The following MYO5B variants were observed in gnomAD, a reference collection of about 807,000 sequenced individuals.
MYO5B encodes the protein unconventional myosin-Vb.
A neutral mutation model predicts 229.3 loss-of-function variants in MYO5B; 143 were observed. The ratio of observed to expected loss-of-function variants is 0.62; its 90% CI spans 0.54 to 0.72. The LOEUF is 0.72. Among genes scored for constraint, MYO5B ranks in the 30% least tolerant of loss-of-function variants. The pLI, the probability that MYO5B is intolerant of heterozygous loss-of-function variation, is 0.00. For synonymous variants in MYO5B, 918 were observed against 885.2 expected (o/e 1.04, Z -0.66); for missense variants, 2,321 against 2,331.0 (o/e 1.00, Z 0.09).
rs200316615 is a variant in MYO5B at position 49,937,232 on chromosome 18, G to A, written c.1905+13C>T. 2 of 1,613,862 alleles carry A rather than the reference G, an allele frequency of 1.2e-6. No individual in the cohort carries two copies. Among genetic ancestry groups the A allele is most frequent in the East Asian group, 2.2e-5 (1 of 44,898 alleles). On this transcript the variant is annotated intron_variant, in intron 15 of 39. Coordinates refer to ENST00000285039, the MANE Select transcript of MYO5B (RefSeq NM_001080467.3). ...CATGCACCTCAGCCCATAGCTTTTG[G>A]TCCGGGGCTGACCTGGTGGCCAACG...
At position 49,872,245 on chromosome 18, in the gene MYO5B, A is replaced by G. The variant is rs189418976; in HGVS notation, c.3538-13T>C. On this transcript the variant is annotated splice_polypyrimidine_tract_variant and intron_variant, in intron 26 of 39. Coordinates refer to ENST00000285039, the MANE Select transcript of MYO5B (RefSeq NM_001080467.3). ...GTGGTGGTTCCGCCTGCATGGATAG[A>G]GACACAAAGATAAGTGCAGACCTCG... The G allele has an allele frequency of 3.2e-5, 51 of 1,613,788 alleles. No homozygotes were observed. The highest frequency in any genetic ancestry group is 4.2e-5 in the Non-Finnish European group (49 of 1,179,710).
intron 4 of MYO5B, among the ~76,000 whole-genome samples, chr18:50,026,656 C>T (rs894934795): frequency 2.0e-5 from 3 of 152,178 alleles, no homozygotes; most frequent in African/African-American, 4.8e-5. Flanking sequence ...ATTCTTCCAT[C>T]GTTTCCTTCT....
chr18:49,961,940 C>T (rs1262902110), intron 12 of MYO5B, among the ~76,000 whole-genome samples: 1 of 152,208 alleles, frequency 6.6e-6, no homozygotes, highest in Non-Finnish European at 1.5e-5. Context: ...TAGGGATGCC[C>T]ATTAGATGTT....
chr18:49,974,928 C>T (rs1219403229), intron 9 of MYO5B, among the ~76,000 whole-genome samples: 3 of 152,138 alleles, frequency 2.0e-5, no homozygotes, highest in African/African-American at 4.8e-5. Context: ...CCAAAACATT[C>T]TCCATCTTTC....
At chr18:49,960,421 T>C (rs1427117567) in intron 12 of MYO5B, among the ~76,000 whole-genome samples, 1 of 152,252 alleles carries the variant, frequency 6.6e-6, no homozygotes, top group South Asian at 2.1e-4. Flanking sequence ...TTCCCTAACC[T>C]CCTCAGGCTC....
chr18:49,860,179 G>A (rs2024311963), intron 29 of MYO5B, among the ~76,000 whole-genome samples: 1 of 152,100 alleles, frequency 6.6e-6, no homozygotes, highest in African/African-American at 2.4e-5. Flanking sequence ...GAAGTGGACA[G>A]GAATCAAAGG....
At chr18:50,116,449 A>G (rs561578884) in intron 1 of MYO5B, among the ~76,000 whole-genome samples, 3 of 152,340 alleles carry the variant, frequency 2.0e-5, no homozygotes, top group Admixed American at 2.0e-4. Flanking sequence ...CTGCCAATAA[A>G]GAAGATAGGC....
intron 1 of MYO5B, among the ~76,000 whole-genome samples, chr18:50,194,245 A>G (rs1168613718): frequency 6.6e-6 from 1 of 151,498 alleles, no homozygotes; most frequent in Non-Finnish European, 1.5e-5. Context: ...CAGAACCCCC[A>G]CCTCTCCCAA....
At chr18:49,938,362 G>C (rs1274354672) in intron 14 of MYO5B, among the ~76,000 whole-genome samples, 1 of 152,242 alleles carries the variant, frequency 6.6e-6, no homozygotes, top group African/African-American at 2.4e-5. Context: ...CAGGAACACA[G>C]TCCTGTCATC....
chr18:49,928,310 T>C (rs1441887237), intron 17 of MYO5B, among the ~76,000 whole-genome samples: 1 of 152,188 alleles, frequency 6.6e-6, no homozygotes, highest in African/African-American at 2.4e-5. Flanking sequence ...ACAACTGCTA[T>C]GGAAAACAGT....
At position 50,051,735 on chromosome 18, in the gene MYO5B, G is replaced by C. The variant is rs538548298; in HGVS notation, c.138+3533C>G. Among the ~76,000 whole-genome samples the C allele has an allele frequency of 4.6e-5, 7 of 152,298 alleles. No individual in the cohort carries two copies. In the South Asian group the frequency reaches 1.4e-3, roughly 32 times the overall value. ...TTTATCATCTTGTTTACTTCAATAT[G>C]AAACATCTTACATTATGCCAGGTGA... On this transcript the variant is annotated intron_variant, in intron 2 of 39. Transcript: ENST00000285039.
At chr18:49,862,869 C>T (rs1430499151) in intron 29 of MYO5B, among the ~76,000 whole-genome samples, 1 of 152,074 alleles carries the variant, frequency 6.6e-6, no homozygotes. Flanking sequence ...GATGGCTAAG[C>T]AGCCCTCTGC....
chr18:49,861,692 C>T (rs568102130), intron 29 of MYO5B, among the ~76,000 whole-genome samples: 1 of 110,584 alleles, frequency 9.0e-6, no homozygotes, highest in South Asian at 2.9e-4. Context: ...TCAGGCCTTC[C>T]GGATTCTACC....
intron 1 of MYO5B, among the ~76,000 whole-genome samples, chr18:50,154,900 A>G (rs946273873): frequency 9.2e-5 from 14 of 152,162 alleles, no homozygotes; most frequent in African/African-American, 3.4e-4. Context: ...CTGTTATGTT[A>G]CAGACTTAGG....
rs1379093978 is a variant in MYO5B, at chr18:49,942,660, A to G, written c.1753-5263T>C. ...CAGAGAAATGCAAATCAAAACCACAATGAGATACCATCTCACACCAGTTAG... is the reference window on the plus strand; with the variant it reads ...CAGAGAAATGCAAATCAAAACCACAGTGAGATACCATCTCACACCAGTTAG... On this transcript the variant is annotated intron_variant, in intron 14 of 39. Coordinates refer to ENST00000285039, the MANE Select transcript of MYO5B (RefSeq NM_001080467.3). Among the ~76,000 whole-genome samples, 8 of 151,878 alleles carry G rather than the reference A, an allele frequency of 5.3e-5. No individual in the cohort carries two copies. In the South Asian group the frequency reaches 1.5e-3, roughly 28 times the overall value.
At chr18:49,957,932 C>A (rs542747192) in intron 12 of MYO5B, among the ~76,000 whole-genome samples, 7 of 152,122 alleles carry the variant, frequency 4.6e-5, no homozygotes, top group East Asian at 3.9e-4. Flanking sequence ...CCCAGCTGGC[C>A]CCCCCCAGGA....
chr18:50,035,686 A>G (rs182460644), intron 4 of MYO5B, among the ~76,000 whole-genome samples: 8 of 152,360 alleles, frequency 5.3e-5, no homozygotes, highest in Admixed American at 5.2e-4. Context: ...CCCTGATAGC[A>G]GGTTAATATA....
At chr18:50,178,767 C>T (rs1042631032) in intron 1 of MYO5B, among the ~76,000 whole-genome samples, 1 of 152,156 alleles carries the variant, frequency 6.6e-6, no homozygotes, top group Non-Finnish European at 1.5e-5. Context: ...GAGTGCAATT[C>T]AGATGGACAT....
intron 1 of MYO5B, among the ~76,000 whole-genome samples, chr18:50,178,769 G>T (rs2033031772): frequency 6.6e-6 from 1 of 152,192 alleles, no homozygotes; most frequent in Non-Finnish European, 1.5e-5. Context: ...GTGCAATTCA[G>T]ATGGACATCT....
Sources: gnomAD v4.1 joint callset for allele counts (sites outside exome capture counted in the v4.1 genomes callset) on GRCh38, gnomAD v4.1.1 for gene constraint, MANE v1.5 for transcripts, NCBI Gene and HGNC (gene_info 2026-07-23, HGNC 2026-07-21) for gene names.